ELOVL6: variants seen among roughly 807,000 people sequenced by gnomAD.
ELOVL6 encodes ELOVL fatty acid elongase 6.
ELOVL6 carries 8 observed loss-of-function variants against 31.7 expected under a neutral mutation model. The ratio of observed to expected loss-of-function variants is 0.25; its 90% CI spans 0.15 to 0.45. The LOEUF (loss-of-function observed/expected upper bound fraction) is 0.45. ELOVL6 is among the 20% of genes least tolerant of loss of function. ELOVL6 has a pLI of 1.00. For synonymous variants in ELOVL6, 101 were observed against 117.7 expected, an observed-to-expected ratio of 0.86 and a Z score of 0.92; for missense variants, 126 against 326.4, an observed-to-expected ratio of 0.39 and a Z score of 4.73.
At chr4:110,150,812 G>A (rs2126265196) in intron 1 of ELOVL6, among the ~76,000 whole-genome samples, 1 of 152,246 alleles carries the variant, frequency 6.6e-6, no homozygotes, top group Non-Finnish European at 1.5e-5. Context: ...GGAAGCCGAG[G>A]TGGACGGATC....
At chr4:110,193,980 G>A (rs1405495329) in intron 1 of ELOVL6, among the ~76,000 whole-genome samples, 2 of 152,160 alleles carry the variant, frequency 1.3e-5, no homozygotes, top group Non-Finnish European at 1.5e-5. Context: ...CGTGTCAGCC[G>A]ACATCAGAAG....
chr4:110,066,512 G>A (rs1321637422), intron 2 of ELOVL6, among the ~76,000 whole-genome samples: 1 of 151,536 alleles, frequency 6.6e-6, no homozygotes, highest in South Asian at 2.1e-4. Context: ...GGTGACAGGC[G>A]CCTGTGGTCC....
chr4:110,109,979 C>T (rs917895510), intron 1 of ELOVL6, among the ~76,000 whole-genome samples: 10 of 152,102 alleles, frequency 6.6e-5, no homozygotes, highest in East Asian at 1.9e-4. Flanking sequence ...AAAAGGGCAC[C>T]GCCCAGTTCA....
At chr4:110,090,600 C>CTTTTTTGTTTTTTTTTT (rs1553956743) in intron 2 of ELOVL6, among the ~76,000 whole-genome samples, 6,290 of 103,508 alleles carry the variant, frequency 0.061, 467 homozygotes, top group Non-Finnish European at 0.073. Context: ...GTTTGACTTT[C>CTTTTTTGTTTTTTTTTT]TTTTTTTTTT....
intron 2 of ELOVL6, among the ~76,000 whole-genome samples, chr4:110,095,413 AAG>A (rs1756552399): frequency 6.6e-6 from 1 of 151,912 alleles, no homozygotes; most frequent in African/African-American, 2.4e-5. Flanking sequence ...ACCCAGGAGA[AAG>A]AGGTTGCAGT....
chr4:110,191,191 T>G (rs1244257247), intron 1 of ELOVL6, among the ~76,000 whole-genome samples: 1 of 152,168 alleles, frequency 6.6e-6, no homozygotes, highest in Non-Finnish European at 1.5e-5. Flanking sequence ...TAATTAGAGA[T>G]GCTGGGTTTT....
At chr4:110,084,093 C>CAT (rs372818778) in intron 2 of ELOVL6, among the ~76,000 whole-genome samples, 4 of 75,888 alleles carry the variant, frequency 5.3e-5, no homozygotes, top group Admixed American at 5.1e-4. Context: ...TGATATATAA[C>CAT]ATATATATGA....
intron 1 of ELOVL6, among the ~76,000 whole-genome samples, chr4:110,113,170 G>T (rs963268081): frequency 1.3e-5 from 2 of 150,900 alleles, no homozygotes; most frequent in Non-Finnish European, 2.9e-5. Flanking sequence ...ATAGGCTGCA[G>T]CGAGCCAGGA....
intron 1 of ELOVL6, among the ~76,000 whole-genome samples, chr4:110,141,156 C>T (rs969264655): frequency 3.3e-5 from 5 of 152,064 alleles, no homozygotes; most frequent in South Asian, 4.1e-4. Flanking sequence ...CTCTGCCTCC[C>T]GGGTTCAAGT....
At chr4:110,173,403 C>G (rs62326609) in intron 1 of ELOVL6, among the ~76,000 whole-genome samples, 14,152 of 151,888 alleles carry the variant, frequency 0.093, 884 homozygotes, top group African/African-American at 0.18. Flanking sequence ...ATCCAGGTCT[C>G]ATACATTCTG....
chr4:110,197,991 G>A (rs772193768), intron 1 of ELOVL6: 2 of 575,006 alleles, frequency 3.5e-6, no homozygotes, highest in South Asian at 2.0e-5. Flanking sequence ...ACACACATAT[G>A]TTCTGTGTTA....
chr4:110,158,990 A>T (rs1758555605), intron 1 of ELOVL6, among the ~76,000 whole-genome samples: 1 of 152,080 alleles, frequency 6.6e-6, no homozygotes, highest in Non-Finnish European at 1.5e-5. Context: ...TTAAACAAAT[A>T]GTCATGACTC....
intron 1 of ELOVL6, among the ~76,000 whole-genome samples, chr4:110,108,144 G>A (rs1756935431): frequency 6.6e-6 from 1 of 151,998 alleles, no homozygotes; most frequent in Non-Finnish European, 1.5e-5. Context: ...TCTGAGCCTG[G>A]GAAGCTTTCA....
intron 2 of ELOVL6, among the ~76,000 whole-genome samples, chr4:110,073,285 G>T (rs1358905132): frequency 1.3e-5 from 2 of 152,144 alleles, no homozygotes; most frequent in African/African-American, 4.8e-5. Context: ...TGTCCCAGGA[G>T]CAGAGCTCAC....
chr4:110,067,522 G>A (rs545925910), intron 2 of ELOVL6, among the ~76,000 whole-genome samples: 36 of 152,190 alleles, frequency 2.4e-4, no homozygotes, highest in Non-Finnish European at 2.9e-4. Flanking sequence ...TTACAATCAC[G>A]GTGGAAGAAG....
intron 2 of ELOVL6, among the ~76,000 whole-genome samples, chr4:110,087,803 G>GA (rs150416358): frequency 0.011 from 1,436 of 135,560 alleles, 14 homozygotes; most frequent in Non-Finnish European, 0.017. Context: ...AAATAAAATT[G>GA]TAAAAAAAAA....
chr4:110,084,584 A>ATT (rs1756181593), intron 2 of ELOVL6, among the ~76,000 whole-genome samples: 3 of 54,886 alleles, frequency 5.5e-5, no homozygotes, highest in African/African-American at 2.8e-4. Context: ...ATATATATAT[A>ATT]TATATTTTTT....
At chr4:110,086,424 C>T (rs1338688765) in intron 2 of ELOVL6, among the ~76,000 whole-genome samples, 5 of 152,220 alleles carry the variant, frequency 3.3e-5, no homozygotes, top group Non-Finnish European at 7.3e-5. Context: ...ATGTGAATCT[C>T]TTACATCTAA....
intron 1 of ELOVL6, among the ~76,000 whole-genome samples, chr4:110,152,431 C>G (rs1243625931): frequency 6.6e-6 from 1 of 152,214 alleles, no homozygotes; most frequent in Non-Finnish European, 1.5e-5. Context: ...CTCTGACACC[C>G]AGCTCAGGAT....
Sources: allele counts gnomAD v4.1 joint callset (sites outside exome capture counted in the v4.1 genomes callset), GRCh38; gene constraint gnomAD v4.1.1; transcripts MANE v1.5; gene names NCBI Gene and HGNC (gene_info 2026-07-23, HGNC 2026-07-21).